COL10A1: variants seen among roughly 807,000 people sequenced by gnomAD.
COL10A1 encodes the protein collagen alpha-1(X) chain.
A neutral mutation model predicts 18.2 loss-of-function variants in COL10A1; 10 were observed. The ratio of observed to expected loss-of-function variants is 0.55; its 90% CI spans 0.34 to 0.93. The LOEUF is 0.93. COL10A1 is among the 40% of genes least tolerant of loss of function. The probability of loss-of-function intolerance (pLI) is 0.02; values close to 1 mark genes in which losing one functional copy is unlikely to be tolerated. For missense variants in COL10A1, 897 were observed against 853.5 expected (o/e 1.05, Z -0.64); for synonymous variants, 330 against 316.6 (o/e 1.04, Z -0.45).
At chr6:116,202,032 C>T in the COL10A1 span, among the ~76,000 whole-genome samples, 2 of 151,942 alleles carry the variant, frequency 1.3e-5, no homozygotes, top group Non-Finnish European at 2.9e-5. Flanking sequence ...CCAGGCTGTC[C>T]AGTGTGGTAG....
chr6:116,199,817 GTC>G, the COL10A1 span, among the ~76,000 whole-genome samples: 1 of 151,982 alleles, frequency 6.6e-6, no homozygotes, highest in Non-Finnish European at 1.5e-5. Context: ...CCATCAATGA[GTC>G]TGGTATAAAT....
chr6:116,121,014 C>T lies in COL10A1; in HGVS notation c.1102G>A (p.Gly368Arg), dbSNP rs368429477. The change falls in exon 3 of 3, where the codon GGG (glycine) becomes AGG (arginine). Residue 368 changes from glycine to arginine, a missense_variant. Transcript: ENST00000651968. ...TTAGCCCCAGGGTATCCTGCAGGCCCAGCTGGCCCTGTCTCACCTTTAGGG... is the reference window on the plus strand; with the variant it reads ...TTAGCCCCAGGGTATCCTGCAGGCCTAGCTGGCCCTGTCTCACCTTTAGGG... ...PGPKGETGPA[G>R]PAGYPGAKGE... 6 of 1,613,918 alleles carry T rather than the reference C, an allele frequency of 3.7e-6. No individual in the cohort carries two copies. Among genetic ancestry groups the T allele is most frequent in the African/African-American group, 2.7e-5 (2 of 74,918 alleles).
At chr6:116,172,021 T>C in the COL10A1 span, among the ~76,000 whole-genome samples, 3 of 152,106 alleles carry the variant, frequency 2.0e-5, no homozygotes, top group African/African-American at 7.2e-5. Flanking sequence ...TGTAGAAAGA[T>C]TAAGAGGAAG....
chr6:116,132,047 TACC>T (rs1779481467), intron 1 of COL10A1, among the ~76,000 whole-genome samples: 1 of 152,216 alleles, frequency 6.6e-6, no homozygotes, highest in Non-Finnish European at 1.5e-5. Flanking sequence ...GGGGTATATG[TACC>T]ACATTTTCTT....
chr6:116,152,408 G>T (rs572491695), intron 1 of COL10A1, among the ~76,000 whole-genome samples: 1 of 151,162 alleles, frequency 6.6e-6, no homozygotes, highest in African/African-American at 2.4e-5. Context: ...TCAAAAATAA[G>T]AAAAAAAAAT....
the COL10A1 span, among the ~76,000 whole-genome samples, chr6:116,178,110 C>CGTGTGT: frequency 3.4e-5 from 4 of 117,446 alleles, no homozygotes; most frequent in African/African-American, 1.3e-4. Context: ...CGCGTGCGTG[C>CGTGTGT]GTGTGTGTGT....
Position 116,121,022 on chromosome 6 carries a change from C to T in COL10A1, c.1094G>A (p.Gly365Glu), listed in dbSNP as rs746215288. The stretch of plus-strand genomic sequence containing the variant: ...AGGGTATCCTGCAGGCCCAGCTGGC[C>T]CTGTCTCACCTTTAGGGCCTGGGAG... ...HGLPGPKGET[G>E]PAGPAGYPGA... is the part of the protein sequence containing the mutation. The change falls in exon 3 of 3, where the codon GGG becomes GAG. Residue 365 changes from glycine to glutamate, a missense_variant. Transcript: ENST00000651968. 2 of 1,614,018 alleles carry T rather than the reference C, an allele frequency of 1.2e-6. No individual in the cohort carries two copies. Among genetic ancestry groups the T allele is most frequent in the South Asian group, 2.2e-5 (2 of 91,080 alleles).
chr6:116,144,036 G>A (rs545484628), intron 1 of COL10A1, among the ~76,000 whole-genome samples: 2 of 152,226 alleles, frequency 1.3e-5, no homozygotes, highest in East Asian at 1.9e-4. Flanking sequence ...CACACACATT[G>A]CCAAATAAAT....
the COL10A1 span, among the ~76,000 whole-genome samples, chr6:116,209,013 TTCAC>T: frequency 6.6e-6 from 1 of 152,040 alleles, no homozygotes; most frequent in South Asian, 2.1e-4. Flanking sequence ...TTTTGTAATA[TTCAC>T]TCTGCTCAGA....
At chr6:116,125,609 T>C in intron 1 of COL10A1, 102 bp from the exon 2 acceptor site, 1 of 986,006 alleles carries the variant, frequency 1.0e-6, no homozygotes, top group Non-Finnish European at 1.5e-6. Flanking sequence ...TCTACTTTTT[T>C]AACCTATCCT....
chr6:116,139,755 G>A (rs1779717279), intron 1 of COL10A1, among the ~76,000 whole-genome samples: 1 of 152,066 alleles, frequency 6.6e-6, no homozygotes, highest in South Asian at 2.1e-4. Context: ...GAATTTGACA[G>A]TTTTTTGCTT....
chr6:116,166,255 C>T, the COL10A1 span, among the ~76,000 whole-genome samples: 3 of 152,190 alleles, frequency 2.0e-5, no homozygotes, highest in African/African-American at 7.2e-5. Flanking sequence ...CCTAAGCTTT[C>T]CATTCAGATC....
intron 2 of COL10A1, 108 bp from the exon 3 acceptor site, chr6:116,122,069 T>G: frequency 1.0e-6 from 1 of 973,906 alleles, no homozygotes; most frequent in Non-Finnish European, 1.6e-6. Flanking sequence ...TTCAGCATCA[T>G]TTATTCCATG....
chr6:116,121,861 G>A lies in COL10A1; in HGVS notation c.255C>T (p.Tyr85=), dbSNP rs200461378. The change falls in exon 3 of 3, where the codon TAC becomes TAT. Residue 85 remains tyrosine (Y), a synonymous_variant. Transcript: ENST00000651968. ...GCTCTCCTTGGAGTCCAGGACTTCC[G>A]TAGCCTGGTTTTCCTGGTGGTCCAG... ...GPSGPPGKPG[Y]GSPGLQGEPG... is the part of the protein sequence containing the mutation. The A allele has an allele frequency of 2.0e-5, 33 of 1,613,904 alleles. No homozygotes were observed. Among genetic ancestry groups the A allele is most frequent in the African/African-American group, 1.1e-4 (8 of 74,984 alleles).
chr6:116,179,255 A>G, the COL10A1 span, among the ~76,000 whole-genome samples: 1 of 152,144 alleles, frequency 6.6e-6, no homozygotes, highest in African/African-American at 2.4e-5. Context: ...AATACTCCTT[A>G]TCTTATTAAT....
the COL10A1 span, among the ~76,000 whole-genome samples, chr6:116,199,182 A>G: frequency 6.6e-6 from 1 of 152,088 alleles, no homozygotes; most frequent in Non-Finnish European, 1.5e-5. Flanking sequence ...CATGAAAGAC[A>G]GACTCTCCAG....
the COL10A1 span, among the ~76,000 whole-genome samples, chr6:116,170,584 T>G: frequency 1.5e-4 from 23 of 152,234 alleles, no homozygotes; most frequent in Non-Finnish European, 2.9e-4. Context: ...TGGGTTTGTT[T>G]GTTTTAGTCA....
chr6:116,216,201 G>T, the COL10A1 span, among the ~76,000 whole-genome samples: 1 of 152,002 alleles, frequency 6.6e-6, no homozygotes, highest in Non-Finnish European at 1.5e-5. Context: ...CATGTACAAG[G>T]CTATATGTTA....
chr6:116,207,301 GAGTCT>G, the COL10A1 span, among the ~76,000 whole-genome samples: 47,306 of 151,528 alleles, frequency 0.31, 8,721 homozygotes, highest in African/African-American at 0.51. Context: ...AAGATCAATA[GAGTCT>G]ATAGCTATAG....
Sources: allele counts gnomAD v4.1 joint callset (sites outside exome capture counted in the v4.1 genomes callset), GRCh38; gene constraint gnomAD v4.1.1; transcripts MANE v1.5; gene names NCBI Gene and HGNC (gene_info 2026-07-23, HGNC 2026-07-21).